GALNT8: variants seen among roughly 807,000 people sequenced by gnomAD.
The protein encoded by GALNT8 is probable polypeptide N-acetylgalactosaminyltransferase 8.
In GALNT8, 66 loss-of-function variants were observed where a neutral mutation model predicts 62.7. The observed-to-expected ratio is 1.05, with a 90% CI of 0.86 to 1.29. The LOEUF (loss-of-function observed/expected upper bound fraction) is 1.29, where lower values mean the gene tolerates loss of function less well. Ranked by LOEUF, GALNT8 falls within the 50% of genes most tolerant of loss-of-function variation. GALNT8 has a pLI of 0.00. For synonymous variants in GALNT8, 288 were observed against 294.3 expected, an observed-to-expected ratio of 0.98 and a Z score of 0.22; for missense variants, 771 against 791.8, an observed-to-expected ratio of 0.97 and a Z score of 0.32.
At chr12:4,759,125 T>C (rs1052359467) in intron 6 of GALNT8, among the ~76,000 whole-genome samples, 2 of 152,168 alleles carry the variant, frequency 1.3e-5, no homozygotes, top group African/African-American at 4.8e-5. Context: ...ATGATAACAG[T>C]TAATTTTTCT....
At chr12:4,768,318 C>A in intron 10 of GALNT8, 1 of 261,040 alleles carries the variant, frequency 3.8e-6, no homozygotes, top group South Asian at 4.6e-5. Context: ...AATAGCTATA[C>A]TTTATCCTAA....
chr12:4,764,904 T>C (rs1235706257), intron 9 of GALNT8, among the ~76,000 whole-genome samples: 3 of 151,534 alleles, frequency 2.0e-5, no homozygotes, highest in Admixed American at 2.0e-4. Flanking sequence ...CTTCTTACTT[T>C]GCATGCTGCC....
At chr12:4,748,354 G>T (rs1000929864) in intron 6 of GALNT8, among the ~76,000 whole-genome samples, 1 of 152,074 alleles carries the variant, frequency 6.6e-6, no homozygotes, top group Non-Finnish European at 1.5e-5. Context: ...ATAATTTGAG[G>T]TCTCAGATTT....
chr12:4,765,600 G>C, intron 10 of GALNT8, 54 bp downstream of exon 10: 1 of 1,406,454 alleles, frequency 7.1e-7, no homozygotes. Flanking sequence ...GTTTTGTTTT[G>C]AGACTGAGTC....
rs200168554 is a variant in GALNT8 at position 4,772,406 on chromosome 12, G to A, written c.1762-39G>A. ...CTAGAAGAGATGATGAATTACTGAGGCATTTCAGCACCTTGGCTCTGTCTC... is the reference window on the plus strand; with the variant it reads ...CTAGAAGAGATGATGAATTACTGAGACATTTCAGCACCTTGGCTCTGTCTC... On this transcript the variant is annotated intron_variant, in intron 10 of 10. Transcript: ENST00000252318. The A allele has an allele frequency of 4.5e-5, 72 of 1,590,016 alleles. No homozygotes were observed. In the Admixed American group the frequency reaches 8.4e-4, roughly 18 times the overall value.
At chr12:4,745,770 G>GA in intron 5 of GALNT8, 144 bp downstream of exon 5, 2 of 650,504 alleles carry the variant, frequency 3.1e-6, no homozygotes, top group East Asian at 2.7e-5. Context: ...GGGATAGAGG[G>GA]AAAAAACCCC....
At position 4,720,657 on chromosome 12, in the gene GALNT8, T is replaced by C; in HGVS notation, c.-21T>C. 1 of 1,512,898 alleles carries C rather than the reference T, an allele frequency of 6.6e-7. No homozygotes were observed. Among genetic ancestry groups the C allele is most frequent in the Non-Finnish European group, 9.2e-7 (1 of 1,087,626 alleles). The allele number at this position is 1,512,898 out of a possible 1,614,324, so 93.7% of individuals were successfully genotyped here. A position where few individuals can be genotyped will look rare whatever the true frequency, so the allele number is the denominator to read the frequency against. On this transcript the variant is annotated 5_prime_UTR_variant, in exon 1 of 11. Coordinates refer to ENST00000252318, the MANE Select transcript of GALNT8 (RefSeq NM_017417.2). ...GTGACACACTCAGTCCCACAGGGAGTGGACGACCCCCAGGAAGAAGATGAT... is the reference window on the plus strand; with the variant it reads ...GTGACACACTCAGTCCCACAGGGAGCGGACGACCCCCAGGAAGAAGATGAT...
At chr12:4,762,886 G>A (rs879350302) in intron 7 of GALNT8, among the ~76,000 whole-genome samples, 15 of 152,214 alleles carry the variant, frequency 9.9e-5, no homozygotes, top group Non-Finnish European at 4.4e-5. Flanking sequence ...AGACTCCAGC[G>A]CAGCCATGTG....
chr12:4,768,500 A>G (rs1946409544), intron 10 of GALNT8: 2 of 350,292 alleles, frequency 5.7e-6, no homozygotes, highest in South Asian at 2.4e-5. Context: ...TGCCTTGCCA[A>G]GAAAATTTTG....
In GALNT8 at chr12:4,744,540, G is replaced by A. The variant is rs16931676; in HGVS notation, c.700G>A (p.Glu234Lys). The A allele has an allele frequency of 8.8e-4, 1,423 of 1,610,838 alleles. 14 individuals are homozygous for A. The African/African-American group carries it at 0.016, about 18-fold the overall frequency. Reference sequence around the variant, plus strand: ...AGGAGAACTAAAGGTACACTTGGATGAGAAGATTAAGCTTTACAACCAGAA... The same window carrying A: ...AGGAGAACTAAAGGTACACTTGGATAAGAAGATTAAGCTTTACAACCAGAA... ...SNGELKVHLD[E>K]KIKLYNQKYP... Residue 234 changes from glutamate to lysine, a missense_variant, in exon 4 of 11, where the codon GAG becomes AAG. Glu to Lys is a moderately conservative substitution (Grantham distance 56, BLOSUM62 1). Coordinates refer to ENST00000252318, the MANE Select transcript of GALNT8 (RefSeq NM_017417.2).
At chr12:4,725,595 G>T (rs1591563072) in intron 1 of GALNT8, among the ~76,000 whole-genome samples, 1 of 121,272 alleles carries the variant, frequency 8.2e-6, no homozygotes, top group Non-Finnish European at 1.6e-5. Context: ...TCGCTCTGTT[G>T]CCCAGGCTGG....
chr12:4,734,162 C>T (rs1477419387), intron 2 of GALNT8, among the ~76,000 whole-genome samples: 12 of 152,112 alleles, frequency 7.9e-5, no homozygotes, highest in Admixed American at 7.9e-4. Flanking sequence ...CTATTACTAC[C>T]AATACTACTG....
intron 6 of GALNT8, among the ~76,000 whole-genome samples, chr12:4,760,645 G>A (rs1483064733): frequency 6.6e-6 from 1 of 152,186 alleles, no homozygotes; most frequent in Non-Finnish European, 1.5e-5. Context: ...AGGGCATGGT[G>A]CCTCTCAGGA....
Position 4,726,819 on chromosome 12 carries a change from C to T in GALNT8, c.499C>T (p.Arg167Ter), listed in dbSNP as rs139038516. The part of the protein sequence containing the change: ...LPLNRTIPDT[R>*]DYRCLRKTYP... ...TCTCAATCGCACCATCCCCGACACG[C>T]GAGACTACAGGTGGGATGAACCAGG... Residue 167 changes from arginine to a stop codon, truncating the protein, a stop_gained, in exon 2 of 11, where the codon CGA becomes TGA. Coordinates refer to ENST00000252318, the MANE Select transcript of GALNT8 (RefSeq NM_017417.2). LOFTEE classifies it high-confidence loss of function. This position sits in a 1 kb window ranked among gnomAD's most constrained non-coding sequence, Gnocchi z 4.1. 154 of 1,611,398 alleles carry T rather than the reference C, an allele frequency of 9.6e-5. No individual in the cohort carries two copies. The highest frequency in any genetic ancestry group is 2.0e-4 in the East Asian group (9 of 44,828).
At chr12:4,764,519 G>T (rs1419682665) in intron 9 of GALNT8, among the ~76,000 whole-genome samples, 2 of 144,958 alleles carry the variant, frequency 1.4e-5, no homozygotes, top group Admixed American at 7.2e-5. Flanking sequence ...TGTGGAAGGT[G>T]CAGTCAGGGG....
chr12:4,737,094 T>C (rs927755738), intron 2 of GALNT8, among the ~76,000 whole-genome samples: 5 of 152,208 alleles, frequency 3.3e-5, no homozygotes, highest in African/African-American at 9.6e-5. Flanking sequence ...AGTTCGACTT[T>C]CATTTTCTGG....
At chr12:4,742,284 A>C (rs1331430093) in intron 3 of GALNT8, among the ~76,000 whole-genome samples, 2 of 152,224 alleles carry the variant, frequency 1.3e-5, no homozygotes, top group Non-Finnish European at 2.9e-5. Flanking sequence ...CTAGATGTTA[A>C]GCTTTATTCA....
At chr12:4,725,515 C>CTGGGAT (rs1463890074) in intron 1 of GALNT8, among the ~76,000 whole-genome samples, 2 of 151,164 alleles carry the variant, frequency 1.3e-5, no homozygotes, top group African/African-American at 4.9e-5. Context: ...CAGGGGAGGC[C>CTGGGAT]TGGGATTCTG....
intron 2 of GALNT8, among the ~76,000 whole-genome samples, chr12:4,738,365 A>G (rs1378991777): frequency 6.6e-6 from 1 of 152,254 alleles, no homozygotes; most frequent in Non-Finnish European, 1.5e-5. Context: ...GGTTGGCAAG[A>G]GTTTCTTAGG....
Sources: gnomAD v4.1 joint callset for allele counts (sites outside exome capture counted in the v4.1 genomes callset) on GRCh38, gnomAD v4.1.1 for gene constraint, Gnocchi (gnomAD v3.1) non-coding constraint, MANE v1.5 for transcripts, NCBI Gene and HGNC (gene_info 2026-07-23, HGNC 2026-07-21) for gene names.